The following MSRA variants were observed in gnomAD, a reference collection of about 807,000 sequenced individuals.
The protein encoded by MSRA is methionine sulfoxide reductase A, also known as mitochondrial peptide methionine sulfoxide reductase.
MSRA carries 54 observed loss-of-function variants against 31.3 expected under a neutral mutation model. The observed-to-expected ratio is 1.73, with a 90% confidence interval of 1.39 to 2.17. The LOEUF (loss-of-function observed/expected upper bound fraction) is 2.17, where lower values mean the gene tolerates loss of function less well. Among genes scored for constraint, MSRA ranks in the 30% most tolerant of loss-of-function variants. The pLI is 0.00. For synonymous variants in MSRA, 169 were observed against 116.5 expected, an observed-to-expected ratio of 1.45 and a Z score of -2.90; for missense variants, 507 against 300.9, an observed-to-expected ratio of 1.69 and a Z score of -5.07.
At chr8:10,070,729 A>G (rs1797692615) in intron 1 of MSRA, among the ~76,000 whole-genome samples, 1 of 152,116 alleles carries the variant, frequency 6.6e-6, no homozygotes, top group South Asian at 2.1e-4. Flanking sequence ...CATTTCAAGG[A>G]TTTTACATAA....
chr8:10,223,929 G>C (rs771919961), intron 2 of MSRA, among the ~76,000 whole-genome samples: 2 of 152,160 alleles, frequency 1.3e-5, no homozygotes, highest in Non-Finnish European at 2.9e-5. Flanking sequence ...AGTGTGTTCA[G>C]ATGGAATACT....
chr8:10,239,640 C>G (rs1373502517), intron 2 of MSRA, among the ~76,000 whole-genome samples: 4 of 152,194 alleles, frequency 2.6e-5, no homozygotes, highest in African/African-American at 4.8e-5. Context: ...CAGGCAATAG[C>G]TGTATCTTAT....
At chr8:10,402,248 C>T (rs188939754) in intron 5 of MSRA, among the ~76,000 whole-genome samples, 3 of 152,272 alleles carry the variant, frequency 2.0e-5, no homozygotes, top group African/African-American at 4.8e-5. Flanking sequence ...AGGTATTGCT[C>T]CCAAACTGGA....
chr8:10,091,281 C>A (rs1474102505), intron 1 of MSRA, among the ~76,000 whole-genome samples: 1 of 152,102 alleles, frequency 6.6e-6, no homozygotes, highest in East Asian at 1.9e-4. Flanking sequence ...TAAAAAGTGA[C>A]AAAAATTGTA....
chr8:10,388,507 G>A (rs1806532585), intron 5 of MSRA, among the ~76,000 whole-genome samples: 2 of 152,164 alleles, frequency 1.3e-5, no homozygotes, highest in South Asian at 2.1e-4. Flanking sequence ...ATATTTCAGA[G>A]TGGCATATTC....
At chr8:10,282,632 G>A (rs541259963) in intron 3 of MSRA, among the ~76,000 whole-genome samples, 1 of 152,328 alleles carries the variant, frequency 6.6e-6, no homozygotes, top group Admixed American at 6.5e-5. Context: ...TCTCTGATCA[G>A]TGAGTGGTGG....
intron 3 of MSRA, chr8:10,250,691 G>C (rs1797870257): frequency 3.6e-6 from 2 of 550,298 alleles, no homozygotes; most frequent in Non-Finnish European, 6.5e-6. Context: ...GTGACCCTCT[G>C]GGGGTGGTGA....
At chr8:10,279,958 C>G (rs1334770180) in intron 3 of MSRA, among the ~76,000 whole-genome samples, 2 of 152,174 alleles carry the variant, frequency 1.3e-5, no homozygotes, top group African/African-American at 2.4e-5. Context: ...ACAACTAGGC[C>G]TGATATTTTC....
At chr8:10,413,891 A>G (rs1808306253) in intron 5 of MSRA, among the ~76,000 whole-genome samples, 1 of 152,212 alleles carries the variant, frequency 6.6e-6, no homozygotes, top group Non-Finnish European at 1.5e-5. Context: ...TAGGTCAGGC[A>G]CAGTGACTTA....
chr8:10,295,949 G>A (rs964285306), intron 3 of MSRA, among the ~76,000 whole-genome samples: 3 of 152,184 alleles, frequency 2.0e-5, no homozygotes, highest in Non-Finnish European at 4.4e-5. Context: ...GTGTCTTTCT[G>A]CCTGGATTAA....
At chr8:10,350,655 G>T (rs1468324259) in intron 5 of MSRA, among the ~76,000 whole-genome samples, 1 of 152,220 alleles carries the variant, frequency 6.6e-6, no homozygotes, top group Non-Finnish European at 1.5e-5. Context: ...CCGGGCTTCA[G>T]GCTGAGTGGG....
At chr8:10,328,896 G>C (rs1193759397) in intron 5 of MSRA, among the ~76,000 whole-genome samples, 1 of 152,136 alleles carries the variant, frequency 6.6e-6, no homozygotes, top group African/African-American at 2.4e-5. Flanking sequence ...ATCCCTTCAT[G>C]GACTCACTGT....
intron 2 of MSRA, among the ~76,000 whole-genome samples, chr8:10,227,740 G>A (rs1318652195): frequency 1.3e-5 from 2 of 152,108 alleles, no homozygotes; most frequent in Non-Finnish European, 2.9e-5. Flanking sequence ...GGAATGATGT[G>A]GACAGAAGGT....
intron 1 of MSRA, among the ~76,000 whole-genome samples, chr8:10,137,318 C>G (rs992619558): frequency 7.9e-5 from 12 of 152,134 alleles, no homozygotes; most frequent in African/African-American, 1.2e-4. Context: ...TTTTGTTTGA[C>G]TTAGGAACGT....
chr8:10,173,003 A>T lies in MSRA; in HGVS notation c.143-34830A>T, dbSNP rs573870473. 3.3e-5 allele frequency among the ~76,000 whole-genome samples: 5 copies of T among 152,296 alleles called. No homozygotes were observed. The East Asian group carries it at 7.7e-4, about 24-fold the overall frequency. On this transcript the variant is annotated intron_variant, in intron 1 of 5. Transcript: ENST00000317173. ...AGTGAGGAGGTGAAGCAGGGAGAGGATAGGGAAGAAGAATATTCTAGGTGG... is the reference window on the plus strand; with the variant it reads ...AGTGAGGAGGTGAAGCAGGGAGAGGTTAGGGAAGAAGAATATTCTAGGTGG...
intron 3 of MSRA, among the ~76,000 whole-genome samples, chr8:10,264,697 C>A (rs148882709): frequency 6.6e-6 from 1 of 152,130 alleles, no homozygotes; most frequent in Non-Finnish European, 1.5e-5. Flanking sequence ...TTCTGGTGCA[C>A]GTGGTCATTA....
At chr8:10,065,707 G>T (rs991329455) in intron 1 of MSRA, among the ~76,000 whole-genome samples, 2 of 152,208 alleles carry the variant, frequency 1.3e-5, no homozygotes, top group Non-Finnish European at 2.9e-5. Context: ...CTGAAGTCTG[G>T]GCTTCATTTT....
chr8:10,348,625 C>A lies in MSRA; in HGVS notation c.543+28636C>A, dbSNP rs1803938990. On this transcript the variant is annotated intron_variant, in intron 5 of 5. Coordinates refer to ENST00000317173, the MANE Select transcript of MSRA (RefSeq NM_012331.5). ...CCTCGTGATCCGCCTGCCTCGGCCT[C>A]CCAAAGTGCTGGGATTACAGGTGTG... Among the ~76,000 whole-genome samples the A allele has an allele frequency of 3.3e-5, 5 of 152,090 alleles. 1 individual carries two copies. The South Asian group carries it at 1.0e-3, about 32-fold the overall frequency.
chr8:10,403,278 C>T (rs1001151008), intron 5 of MSRA, among the ~76,000 whole-genome samples: 2 of 152,282 alleles, frequency 1.3e-5, no homozygotes, highest in South Asian at 4.1e-4. Flanking sequence ...AAGGTGCCTC[C>T]CTGAGTGATG....
Sources: gnomAD v4.1 joint callset for allele counts (sites outside exome capture counted in the v4.1 genomes callset) on GRCh38, gnomAD v4.1.1 for gene constraint, MANE v1.5 for transcripts, NCBI Gene and HGNC (gene_info 2026-07-23, HGNC 2026-07-21) for gene names.